The following HYAL4 variants were observed in gnomAD, a reference collection of about 807,000 sequenced individuals.
HYAL4 encodes hyaluronidase-4.
Under a neutral mutation model 35.2 loss-of-function variants are expected in HYAL4, and 37 were observed. The observed-to-expected ratio is 1.05, with a 90% CI of 0.81 to 1.38. The LOEUF is 1.38. Ranked by LOEUF, HYAL4 falls within the 40% of genes most tolerant of loss-of-function variation. The pLI is 0.00. For missense variants in HYAL4, 572 were observed against 572.4 expected (o/e 1.00, Z 0.01); for synonymous variants, 198 against 203.2 (o/e 0.97, Z 0.22).
chr7:123,862,826 C>T (rs1806604587), intron 2 of HYAL4, among the ~76,000 whole-genome samples: 1 of 152,186 alleles, frequency 6.6e-6, no homozygotes, highest in African/African-American at 2.4e-5. Context: ...AAGCCCATGG[C>T]AGACAATGTC....
At chr7:123,794,350 A>G in the HYAL4 span, among the ~76,000 whole-genome samples, 1 of 152,232 alleles carries the variant, frequency 6.6e-6, no homozygotes, top group African/African-American at 2.4e-5. Flanking sequence ...AGAAATTGGC[A>G]TAAGTAACAA....
At chr7:123,855,072 C>G (rs528346230) in intron 2 of HYAL4, among the ~76,000 whole-genome samples, 1 of 151,758 alleles carries the variant, frequency 6.6e-6, no homozygotes, top group South Asian at 2.1e-4. Context: ...TTCCTCCATT[C>G]CTTTATTTTG....
At chr7:123,841,913 A>T (rs1398002977), upstream of HYAL4, among the ~76,000 whole-genome samples, 1 of 151,938 alleles carries the variant, frequency 6.6e-6, no homozygotes, top group Admixed American at 6.6e-5. Flanking sequence ...CTAGCAGTCT[A>T]TCGATTTTGT....
Position 123,876,876 on chromosome 7 carries a change from G to A in HYAL4, c.1167G>A (p.Arg389=). Residue 389 remains arginine (R), a synonymous_variant, in exon 5 of 5, where the codon AGG becomes AGA. Coordinates refer to ENST00000223026, the MANE Select transcript of HYAL4 (RefSeq NM_012269.3). ...GCAGGAACAATGGCAGGTGCATAAG[G>A]AAGATGTGGAACGCGCCCAGTTACC... ...HLCRNNGRCI[R]KMWNAPSYLH... The A allele has an allele frequency of 6.2e-7, 1 of 1,614,210 alleles. No homozygotes were observed. The highest frequency in any genetic ancestry group is 8.5e-7 in the Non-Finnish European group (1 of 1,180,050).
chr7:123,776,978 T>C, the HYAL4 span, among the ~76,000 whole-genome samples: 1 of 152,168 alleles, frequency 6.6e-6, no homozygotes, highest in Non-Finnish European at 1.5e-5. Flanking sequence ...TCTCAAAAAA[T>C]AATTACGGTG....
chr7:123,810,393 A>G, the HYAL4 span, among the ~76,000 whole-genome samples: 4 of 152,356 alleles, frequency 2.6e-5, no homozygotes, highest in African/African-American at 9.6e-5. Context: ...ATAGTTCACA[A>G]TATATTTAAG....
At chr7:123,794,280 G>A in the HYAL4 span, among the ~76,000 whole-genome samples, 1 of 152,198 alleles carries the variant, frequency 6.6e-6, no homozygotes, top group Non-Finnish European at 1.5e-5. Context: ...AAAATTTGCA[G>A]ACTGACAATC....
upstream of HYAL4, among the ~76,000 whole-genome samples, chr7:123,840,090 A>C (rs2116914839): frequency 6.6e-6 from 1 of 152,256 alleles, no homozygotes; most frequent in African/African-American, 2.4e-5. Flanking sequence ...GGTATTGCCT[A>C]GGTTTTCTTC....
At chr7:123,824,945 G>A (rs1205696407), upstream of HYAL4, among the ~76,000 whole-genome samples, 2 of 152,066 alleles carry the variant, frequency 1.3e-5, no homozygotes, top group Admixed American at 6.6e-5. Context: ...AGTAGTTCCC[G>A]TGTGGTTCTA....
At chr7:123,782,390 T>A in the HYAL4 span, among the ~76,000 whole-genome samples, 50,769 of 151,776 alleles carry the variant, frequency 0.33, 8,769 homozygotes, top group Middle Eastern at 0.43. Context: ...ATAAGAACAT[T>A]ACATTATGTT....
At chr7:123,839,251 C>A (rs1274263164) in intron 1 of HYAL4, among the ~76,000 whole-genome samples, 1 of 123,194 alleles carries the variant, frequency 8.1e-6, no homozygotes. Flanking sequence ...GTTTTCCATC[C>A]CTGTGATAGT....
chr7:123,846,536 A>G (rs55984914), intron 1 of HYAL4, among the ~76,000 whole-genome samples: 6,086 of 152,146 alleles, frequency 0.04, 131 homozygotes, highest in Middle Eastern at 0.082. Context: ...AGCAGTGGGC[A>G]AGCAAGACTG....
At chr7:123,873,881 A>G (rs1806944455) in intron 3 of HYAL4, among the ~76,000 whole-genome samples, 1 of 152,212 alleles carries the variant, frequency 6.6e-6, no homozygotes, top group African/African-American at 2.4e-5. Context: ...AATAAAACCC[A>G]TTAGGTCAGG....
intron 1 of HYAL4, among the ~76,000 whole-genome samples, chr7:123,836,129 T>C (rs1345374406): frequency 1.3e-5 from 2 of 152,208 alleles, no homozygotes; most frequent in African/African-American, 4.8e-5. Flanking sequence ...ACTGTTTCTT[T>C]GTTGACTTTC....
chr7:123,814,711 C>CA, the HYAL4 span: 1 of 152,624 alleles, frequency 6.6e-6, no homozygotes, highest in Non-Finnish European at 1.5e-5. Flanking sequence ...ACATTACTCT[C>CA]ACATTGGCTT....
At chr7:123,819,434 A>G in the HYAL4 span, 1 of 152,704 alleles carries the variant, frequency 6.5e-6, no homozygotes, top group South Asian at 2.1e-4. Context: ...TTCAAAGGTA[A>G]GCAATGATTT....
chr7:123,832,977 A>G (rs1805908491), intron 1 of HYAL4, among the ~76,000 whole-genome samples: 1 of 152,022 alleles, frequency 6.6e-6, no homozygotes, highest in Non-Finnish European at 1.5e-5. Context: ...TAAATACCAC[A>G]ATTTCTTTAT....
chr7:123,830,520 G>A (rs1032489752), intron 1 of HYAL4, among the ~76,000 whole-genome samples: 7 of 152,024 alleles, frequency 4.6e-5, no homozygotes, highest in African/African-American at 9.7e-5. Flanking sequence ...TTCTTACCTC[G>A]CATTATTGTT....
At chr7:123,826,444 CT>C (rs1805803796), upstream of HYAL4, among the ~76,000 whole-genome samples, 1 of 152,120 alleles carries the variant, frequency 6.6e-6, no homozygotes, top group Non-Finnish European at 1.5e-5. Flanking sequence ...GCCAAAATGC[CT>C]TGTTTCTGGT....
Sources: gnomAD v4.1 joint callset for allele counts (sites outside exome capture counted in the v4.1 genomes callset) on GRCh38, gnomAD v4.1.1 for gene constraint, MANE v1.5 for transcripts, NCBI Gene and HGNC (gene_info 2026-07-23, HGNC 2026-07-21) for gene names.